Variants in PAAF1 observed in about 807,000 individuals in gnomAD.
The protein encoded by PAAF1 is proteasomal ATPase associated factor 1, also known as proteasomal ATPase-associated factor 1.
Under a neutral mutation model 52.8 loss-of-function variants are expected in PAAF1, and 46 were observed. The ratio of observed to expected loss-of-function variants is 0.87; its 90% CI spans 0.69 to 1.11. The LOEUF (loss-of-function observed/expected upper bound fraction) is 1.11. PAAF1 is among the 50% of genes most tolerant of loss of function. The probability of loss-of-function intolerance (pLI) is 0.00; values close to 1 mark genes in which losing one functional copy is unlikely to be tolerated. For synonymous variants in PAAF1, 178 were observed against 172.8 expected (o/e 1.03, Z -0.24); for missense variants, 424 against 477.4 (o/e 0.89, Z 1.04).
At chr11:73,878,875 T>A in intron 2 of PAAF1, 56 bp downstream of exon 2, 1 of 1,524,426 alleles carries the variant, frequency 6.6e-7, no homozygotes, top group African/African-American at 1.4e-5. Flanking sequence ...TTAATACCCT[T>A]AAAAGAAAGC....
At chr11:73,909,078 C>T (rs748287594) in intron 6 of PAAF1, among the ~76,000 whole-genome samples, 9 of 152,168 alleles carry the variant, frequency 5.9e-5, no homozygotes, top group East Asian at 1.9e-4. Flanking sequence ...TGAGCCACCA[C>T]GCCCGACCTC....
chr11:73,922,689 C>T (rs1484600211), intron 10 of PAAF1, among the ~76,000 whole-genome samples: 1 of 151,872 alleles, frequency 6.6e-6, no homozygotes, highest in African/African-American at 2.4e-5. Flanking sequence ...TCATGGCGGG[C>T]GCCTGTAGTC....
At chr11:73,903,157 G>A (rs969487341) in intron 6 of PAAF1, among the ~76,000 whole-genome samples, 5 of 152,216 alleles carry the variant, frequency 3.3e-5, no homozygotes, top group Admixed American at 2.6e-4. Flanking sequence ...TGAACGGAAT[G>A]ATATACTTTA....
chr11:73,899,086 T>A, intron 4 of PAAF1, 60 bp from the exon 5 acceptor site: 1 of 1,350,942 alleles, frequency 7.4e-7, no homozygotes, highest in South Asian at 1.2e-5. Context: ...TATAACATAT[T>A]TCAAGGGAAT....
chr11:73,896,223 A>C (rs1347427871), intron 4 of PAAF1, among the ~76,000 whole-genome samples: 1 of 148,730 alleles, frequency 6.7e-6, no homozygotes, highest in African/African-American at 2.5e-5. Context: ...AGCTATACCT[A>C]TATATAGGTA....
Position 73,927,224 on chromosome 11 carries a change from C to T in PAAF1, c.1102-61C>T, listed in dbSNP as rs1195351318. ...ACTAGTGTGTGTCAATCATAAGCCT[C>T]CATCTTTTTGAAATGGAAGAATCCC... On this transcript the variant is annotated intron_variant, in intron 11 of 11. Coordinates refer to ENST00000310571, the MANE Select transcript of PAAF1 (RefSeq NM_025155.3). 3 of 1,284,488 alleles carry T rather than the reference C, an allele frequency of 2.3e-6. No homozygotes were observed. In the African/African-American group the frequency reaches 4.4e-5, roughly 19 times the overall value. 79.6% of individuals were successfully genotyped at this position (1,284,488 alleles called of 1,614,324 possible).
chr11:73,925,175 A>C (rs1290618069), intron 11 of PAAF1, among the ~76,000 whole-genome samples: 1 of 147,850 alleles, frequency 6.8e-6, no homozygotes, highest in Non-Finnish European at 1.5e-5. Flanking sequence ...AAAAAAAAAA[A>C]CAAGTGACTT....
rs1217608852 is a variant in PAAF1, at chr11:73,877,027, G to T, written c.6G>T (p.Ala2=). 2.0e-6 allele frequency: 3 copies of T among 1,533,994 alleles called. No homozygotes were observed. Among genetic ancestry groups the T allele is most frequent in the Non-Finnish European group, 2.6e-6 (3 of 1,137,868 alleles). The part of the protein sequence containing the change: M[A]APLRIQSDWA... ...CTGGTGGAGGCGGGGTCGAGATGGCGGCGCCTTTGAGGATTCAGAGCGACT... is the reference window on the plus strand; with the variant it reads ...CTGGTGGAGGCGGGGTCGAGATGGCTGCGCCTTTGAGGATTCAGAGCGACT... The change falls in exon 1 of 12, where the codon GCG becomes GCT. Residue 2 remains alanine, a synonymous_variant. Transcript: ENST00000310571.
At chr11:73,896,725 G>A (rs536535035) in intron 4 of PAAF1, among the ~76,000 whole-genome samples, 1 of 152,320 alleles carries the variant, frequency 6.6e-6, no homozygotes, top group African/African-American at 2.4e-5. Context: ...GCAACCATCC[G>A]ATTCTCAATC....
At chr11:73,906,599 T>C (rs572546452) in intron 6 of PAAF1, among the ~76,000 whole-genome samples, 1 of 152,334 alleles carries the variant, frequency 6.6e-6, no homozygotes, top group South Asian at 2.1e-4. Flanking sequence ...AGTTACACTA[T>C]AGTGATTAGG....
At chr11:73,904,527 A>C (rs1270925331) in intron 6 of PAAF1, among the ~76,000 whole-genome samples, 4 of 152,170 alleles carry the variant, frequency 2.6e-5, no homozygotes, top group African/African-American at 9.6e-5. Context: ...TAATTTTAAG[A>C]AACCAGGTTG....
intron 10 of PAAF1, among the ~76,000 whole-genome samples, chr11:73,920,351 T>C (rs1171565966): frequency 6.6e-6 from 1 of 151,866 alleles, no homozygotes; most frequent in Non-Finnish European, 1.5e-5. Flanking sequence ...CTGGGCAACA[T>C]AGGAGACCCT....
At chr11:73,925,213 T>G (rs1485731844) in intron 11 of PAAF1, among the ~76,000 whole-genome samples, 1 of 150,644 alleles carries the variant, frequency 6.6e-6, no homozygotes, top group Non-Finnish European at 1.5e-5. Context: ...CCCCAGCACT[T>G]TTGGAGGCTG....
intron 7 of PAAF1, among the ~76,000 whole-genome samples, chr11:73,911,063 CCTCA>C (rs2135204305): frequency 6.6e-6 from 1 of 151,880 alleles, no homozygotes; most frequent in South Asian, 2.1e-4. Flanking sequence ...ACATAGCCCT[CCTCA>C]CTATCAATAT....
Position 73,899,561 on chromosome 11 carries a change from G to A in PAAF1, c.381+317G>A, listed in dbSNP as rs575957785. Among the ~76,000 whole-genome samples, 5 of 152,088 alleles carry A rather than the reference G, an allele frequency of 3.3e-5. No individual in the cohort carries two copies. In the South Asian group the frequency reaches 6.2e-4, roughly 19 times the overall value. On this transcript the variant is annotated intron_variant, in intron 5 of 11. Transcript: ENST00000310571. ...CAAGTAGCTGAGATTACAGGCATGT[G>A]CCACCACACACATCTAATTTTTGTA...
chr11:73,900,052 G>C (rs1443654305), intron 5 of PAAF1, among the ~76,000 whole-genome samples: 1 of 149,898 alleles, frequency 6.7e-6, no homozygotes, highest in African/African-American at 2.5e-5. Context: ...ATGGAATTCA[G>C]TTCTATAACC....
chr11:73,877,070 T>G lies in PAAF1; in HGVS notation c.47+2T>G, dbSNP rs1591026936. 6.5e-7 allele frequency: 1 copy of G among 1,536,378 alleles called. No individual in the cohort carries two copies. Among genetic ancestry groups the G allele is most frequent in the Non-Finnish European group, 8.8e-7 (1 of 1,139,180 alleles). The stretch of plus-strand genomic sequence containing the variant: ...GAGCGACTGGGCGCAAGCCCTCAGG[T>G]GAATCCAGGCCCAGAACAGAGTCAG... On this transcript the variant is annotated splice_donor_variant, in intron 1 of 11. Transcript: ENST00000310571. LOFTEE classifies it high-confidence loss of function.
intron 10 of PAAF1, chr11:73,921,622 A>C (rs1339828739): frequency 3.0e-6 from 2 of 672,474 alleles, no homozygotes; most frequent in Non-Finnish European, 2.8e-6. Context: ...AATGCTGCCC[A>C]GGGCTCTGGA....
chr11:73,917,763 T>TG (rs1419222120), intron 9 of PAAF1, among the ~76,000 whole-genome samples: 1 of 150,672 alleles, frequency 6.6e-6, no homozygotes, highest in Non-Finnish European at 1.5e-5. Flanking sequence ...TCCCAGGTAC[T>TG]GGGGGGCTGA....
Sources: gnomAD v4.1 joint callset for allele counts (sites outside exome capture counted in the v4.1 genomes callset) on GRCh38, gnomAD v4.1.1 for gene constraint, MANE v1.5 for transcripts, NCBI Gene and HGNC (gene_info 2026-07-23, HGNC 2026-07-21) for gene names.